The following COMMD7 variants were observed in gnomAD, a reference collection of about 807,000 sequenced individuals.
COMMD7 encodes COMM domain-containing protein 7.
Under a neutral mutation model 34.8 loss-of-function variants are expected in COMMD7, and 28 were observed. That is an observed-to-expected ratio of 0.80 (90% confidence interval 0.60 to 1.10). The LOEUF (loss-of-function observed/expected upper bound fraction) is 1.10. Among genes scored for constraint, COMMD7 ranks in the 50% least tolerant of loss-of-function variants. The pLI is 0.00. For missense variants in COMMD7, 211 were observed against 241.6 expected (o/e 0.87, Z 0.84); for synonymous variants, 80 against 86.4 (o/e 0.93, Z 0.41).
At chr20:32,737,012 C>A (rs924794200) in intron 1 of COMMD7, among the ~76,000 whole-genome samples, 1 of 151,874 alleles carries the variant, frequency 6.6e-6, no homozygotes, top group African/African-American at 2.4e-5. Flanking sequence ...GAAACCCCGT[C>A]TCTACTAAAA....
At chr20:32,728,204 C>G in intron 1 of COMMD7, 62 bp from the exon 2 acceptor site, 1 of 1,472,360 alleles carries the variant, frequency 6.8e-7, no homozygotes. Context: ...CATGCCCCAC[C>G]CCAGGCAACT....
intron 3 of COMMD7, among the ~76,000 whole-genome samples, chr20:32,720,351 C>T (rs543595247): frequency 2.6e-5 from 4 of 152,136 alleles, no homozygotes; most frequent in East Asian, 3.9e-4. Flanking sequence ...AAAAATTAGC[C>T]GGGCATGGTG....
At chr20:32,705,376 A>ATATATATATATTTTTT (rs1335467096) in intron 5 of COMMD7, among the ~76,000 whole-genome samples, 4 of 125,448 alleles carry the variant, frequency 3.2e-5, no homozygotes, top group African/African-American at 1.4e-4. Flanking sequence ...ATATATATAT[A>ATATATATATATTTTTT]TTTTTTTTTT....
chr20:32,736,382 T>C (rs1270675038), intron 1 of COMMD7, among the ~76,000 whole-genome samples: 1 of 152,116 alleles, frequency 6.6e-6, no homozygotes, highest in Non-Finnish European at 1.5e-5. Flanking sequence ...GTATTAACAA[T>C]AAAGGTAGCT....
At chr20:32,742,508 AT>A in intron 1 of COMMD7, 1 of 152,222 alleles carries the variant, frequency 6.6e-6, no homozygotes, top group South Asian at 2.1e-4. Flanking sequence ...ATGAAAAGGC[AT>A]CCCAACCAGC....
chr20:32,733,304 C>T (rs951087296), intron 1 of COMMD7, among the ~76,000 whole-genome samples: 6 of 149,546 alleles, frequency 4.0e-5, no homozygotes, highest in Non-Finnish European at 5.9e-5. Flanking sequence ...AAACAGGCCA[C>T]GCGCGGTGGC....
intron 3 of COMMD7, among the ~76,000 whole-genome samples, chr20:32,718,801 A>G (rs1984973426): frequency 6.6e-6 from 1 of 152,190 alleles, no homozygotes; most frequent in African/African-American, 2.4e-5. Flanking sequence ...AAAGAAACCA[A>G]AAAGTTCCAT....
In COMMD7 at chr20:32,709,703, C is replaced by G. The variant is rs78212223; in HGVS notation, c.242-2943G>C. ...ATGCTCTGGCCTCCTCTTAGAACCCCTAGGCTCTCTCCCTTGCTTACTGTG... is the reference window on the plus strand; with the variant it reads ...ATGCTCTGGCCTCCTCTTAGAACCCGTAGGCTCTCTCCCTTGCTTACTGTG... On this transcript the variant is annotated intron_variant, in intron 3 of 8. Coordinates refer to ENST00000278980, the MANE Select transcript of COMMD7 (RefSeq NM_053041.3). 9.9e-3 allele frequency among the ~76,000 whole-genome samples: 1,514 copies of G among 152,226 alleles called. 16 individuals carry two copies. Among genetic ancestry groups the G allele is most frequent in the Non-Finnish European group, 0.016 (1,072 of 68,014 alleles).
Position 32,727,999 on chromosome 20 carries a change from CAGAG to C in COMMD7, c.139-8_139-5del. 1 of 1,613,788 alleles carries C rather than the reference CAGAG, an allele frequency of 6.2e-7. No homozygotes were observed. Among genetic ancestry groups the C allele is most frequent in the Non-Finnish European group, 8.5e-7 (1 of 1,179,768 alleles). On this transcript the variant is annotated splice_polypyrimidine_tract_variant and splice_region_variant and intron_variant, in intron 2 of 8. Transcript: ENST00000278980. ...GCTGAGCCAGAAATCTTTCCACCTG[CAGAG>C]AGAGAACAGTGAAAACCCGGGCCTT...
Position 32,743,355 on chromosome 20 carries a change from C to T in COMMD7, c.37G>A (p.Glu13Lys), listed in dbSNP as rs1216103834. ...RLHCTEDPVP[E>K]AVGGDMQQLN... ...TGCTGCATGTCGCCGCCCACGGCCT[C>T]CGGCACCGGGTCCTCAGTGCAGTGC... The change falls in exon 1 of 9, where the codon GAG (glutamate) becomes AAG (lysine). Residue 13 changes from glutamate (E) to lysine (K), a missense_variant. By Grantham distance (56) the Glu-to-Lys change is moderately conservative. Coordinates refer to ENST00000278980, the MANE Select transcript of COMMD7 (RefSeq NM_053041.3). The T allele has an allele frequency of 2.0e-6, 3 of 1,513,600 alleles. No individual in the cohort carries two copies. Among genetic ancestry groups the T allele is most frequent in the Non-Finnish European group, 2.6e-6 (3 of 1,137,368 alleles). 93.8% of individuals were successfully genotyped at this position (1,513,600 alleles called of 1,614,324 possible). A position where few individuals can be genotyped will look rare whatever the true frequency, so the allele number is the denominator to read the frequency against.
chr20:32,728,732 A>G (rs1432756941), intron 1 of COMMD7, among the ~76,000 whole-genome samples: 1 of 150,794 alleles, frequency 6.6e-6, no homozygotes. Context: ...ATACCCGACT[A>G]ATTTTTTTTT....
intron 1 of COMMD7, among the ~76,000 whole-genome samples, chr20:32,739,594 G>A (rs1313553373): frequency 1.6e-5 from 2 of 121,580 alleles, no homozygotes; most frequent in African/African-American, 3.2e-5. Context: ...GCAGTGAGTC[G>A]AGATTGCACC....
chr20:32,721,409 A>G (rs1985147128), intron 3 of COMMD7, among the ~76,000 whole-genome samples: 1 of 152,110 alleles, frequency 6.6e-6, no homozygotes, highest in Non-Finnish European at 1.5e-5. Context: ...CAGGAGTTCA[A>G]GACCAGCCAG....
chr20:32,705,652 C>T (rs187521818), intron 5 of COMMD7, among the ~76,000 whole-genome samples: 7 of 152,142 alleles, frequency 4.6e-5, no homozygotes, highest in African/African-American at 1.7e-4. Flanking sequence ...GGATTACAGG[C>T]GTGAGCCACC....
chr20:32,715,525 C>T (rs1453142090), intron 3 of COMMD7, among the ~76,000 whole-genome samples: 3 of 151,232 alleles, frequency 2.0e-5, no homozygotes, highest in Admixed American at 6.6e-5. Flanking sequence ...AAAAAACAGG[C>T]GGCCAGGCGT....
At chr20:32,707,761 G>T (rs1377115744) in intron 3 of COMMD7, among the ~76,000 whole-genome samples, 1 of 151,994 alleles carries the variant, frequency 6.6e-6, no homozygotes, top group South Asian at 2.1e-4. Flanking sequence ...CGAATTCCTG[G>T]AGCAAGAGGC....
At chr20:32,717,142 C>T (rs1006147843) in intron 3 of COMMD7, among the ~76,000 whole-genome samples, 1 of 149,574 alleles carries the variant, frequency 6.7e-6, no homozygotes, top group Admixed American at 6.7e-5. Context: ...GGGTTAATAA[C>T]TTTTGAAGGA....
chr20:32,704,764 C>A (rs200619246), intron 6 of COMMD7, 50 bp downstream of exon 6: 10 of 1,410,168 alleles, frequency 7.1e-6, no homozygotes, highest in Non-Finnish European at 9.0e-6. Flanking sequence ...AGCCTCTGCA[C>A]CCCAACCCTG....
intron 1 of COMMD7, among the ~76,000 whole-genome samples, chr20:32,741,395 G>GTTT (rs200988856): frequency 1.0e-4 from 15 of 143,264 alleles, no homozygotes; most frequent in Admixed American, 2.1e-4. Flanking sequence ...CTAGAAAGTT[G>GTTT]TTTTTTTTTT....
Sources: gnomAD v4.1 joint callset for allele counts (sites outside exome capture counted in the v4.1 genomes callset) on GRCh38, gnomAD v4.1.1 for gene constraint, MANE v1.5 for transcripts, NCBI Gene and HGNC (gene_info 2026-07-23, HGNC 2026-07-21) for gene names.